The following PRH1 variants were observed in gnomAD, a reference collection of about 807,000 sequenced individuals.
PRH1 encodes the protein proline rich protein HaeIII subfamily 1, also known as salivary acidic proline-rich phosphoprotein 1/2.
Under a neutral mutation model 7.9 loss-of-function variants are expected in PRH1, and 7 were observed. That is an observed-to-expected ratio of 0.89 (90% CI 0.50 to 1.67). The LOEUF is 1.67. Ranked by LOEUF, PRH1 falls within the 40% of genes most tolerant of loss-of-function variation. PRH1 has a pLI of 0.00. For missense variants in PRH1, 109 were observed against 223.6 expected, an observed-to-expected ratio of 0.49 and a Z score of 3.27; for synonymous variants, 45 against 80.8, an observed-to-expected ratio of 0.56 and a Z score of 2.38.
At chr12:11,119,502 T>G (rs1434274861), downstream of PRH1, among the ~76,000 whole-genome samples, 2 of 152,168 alleles carry the variant, frequency 1.3e-5, no homozygotes, top group African/African-American at 2.4e-5. Flanking sequence ...TATTACTCTT[T>G]GCATGCCTGT....
intron 2 of PRH1, chr12:10,938,439 A>G (rs767660225): frequency 6.2e-7 from 1 of 1,614,026 alleles, no homozygotes; most frequent in Non-Finnish European, 8.5e-7. Flanking sequence ...TTTTCCTCCA[A>G]CCTTTCAGAG....
At chr12:10,952,523 T>G (rs968899106) in intron 2 of PRH1, among the ~76,000 whole-genome samples, 9 of 152,180 alleles carry the variant, frequency 5.9e-5, no homozygotes, top group African/African-American at 9.7e-5. Context: ...CATTTCAAAG[T>G]TTACTGCAAG....
intron 2 of PRH1, among the ~76,000 whole-genome samples, chr12:10,926,960 C>A (rs1219115005): frequency 6.6e-6 from 1 of 152,214 alleles, no homozygotes; most frequent in Non-Finnish European, 1.5e-5. Flanking sequence ...GCTCCTGCAG[C>A]AGTCCTACTT....
intron 1 of PRH1, among the ~76,000 whole-genome samples, chr12:11,110,892 T>C (rs975288913): frequency 1.3e-5 from 2 of 152,200 alleles, no homozygotes; most frequent in African/African-American, 2.4e-5. Context: ...ATTGTTGTGC[T>C]GTATTCAGGA....
intron 1 of PRH1, among the ~76,000 whole-genome samples, chr12:11,059,258 C>T (rs764769541): frequency 2.0e-5 from 3 of 152,178 alleles, no homozygotes; most frequent in Non-Finnish European, 2.9e-5. Context: ...ATCTGATGAC[C>T]GTCATGCTGT....
At chr12:11,000,788 C>G (rs1197719771) in intron 1 of PRH1, among the ~76,000 whole-genome samples, 1 of 152,048 alleles carries the variant, frequency 6.6e-6, no homozygotes, top group Non-Finnish European at 1.5e-5. Flanking sequence ...TAGTTGTCTT[C>G]CAATTCACTA....
In PRH1 at chr12:10,960,270, C is replaced by G. The variant is rs919416764; in HGVS notation, c.-59+13385G>C. ...TCAGGACTGAGCCAATTCACAGAAG[C>G]AGAGATAAACGACTGAAAGGAAGCT... On this transcript the variant is annotated intron_variant, in intron 2 of 3. Transcript: ENST00000539853. Among the ~76,000 whole-genome samples, 20 of 152,206 alleles carry G rather than the reference C, an allele frequency of 1.3e-4. 1 individual carries two copies.
chr12:11,064,919 G>A (rs1466639511), intron 1 of PRH1, among the ~76,000 whole-genome samples: 2 of 151,924 alleles, frequency 1.3e-5, no homozygotes, highest in Non-Finnish European at 2.9e-5. Flanking sequence ...CCAGGCATAA[G>A]GAAGCTACTC....
At chr12:10,940,706 C>T (rs1372103251) in intron 2 of PRH1, among the ~76,000 whole-genome samples, 1 of 152,144 alleles carries the variant, frequency 6.6e-6, no homozygotes, top group East Asian at 1.9e-4. Context: ...CAGCATGATA[C>T]AGTCATTCTT....
rs555043475 is a variant in PRH1, at chr12:11,029,777, C to T, written c.-126+17243G>A. Among the ~76,000 whole-genome samples, 12 of 151,828 alleles carry T rather than the reference C, an allele frequency of 7.9e-5. No individual in the cohort carries two copies. The South Asian group carries it at 2.5e-3, about 32-fold the overall frequency. ...TTATGGTAGACATACATTAAATTTACTCTGCATATGCTTCTCACTCAAATT... is the reference window on the plus strand; with the variant it reads ...TTATGGTAGACATACATTAAATTTATTCTGCATATGCTTCTCACTCAAATT... On this transcript the variant is annotated intron_variant, in intron 1 of 3. Coordinates refer to the PRH1 transcript ENST00000539853.
intron 2 of PRH1, among the ~76,000 whole-genome samples, chr12:10,969,662 C>T (rs1050335328): frequency 2.9e-4 from 44 of 151,982 alleles, no homozygotes; most frequent in African/African-American, 1.0e-3. Context: ...TTTGCATTTT[C>T]ATATGAACAT....
chr12:11,027,697 C>G (rs935207174), intron 1 of PRH1, among the ~76,000 whole-genome samples: 2 of 152,182 alleles, frequency 1.3e-5, no homozygotes, highest in Admixed American at 1.3e-4. Flanking sequence ...GCTCTGGCCA[C>G]TGAGCCAGAT....
At position 11,092,322 on chromosome 12, in the gene PRH1, G is replaced by C. The variant is rs112869592; in HGVS notation, n.124-45134C>G. On this transcript the variant is annotated intron_variant and non_coding_transcript_variant, in intron 1 of 4. Transcript: ENST00000541977. ...GTTCGTGGTCTCGCTGACTTCAAAA[G>C]GGAGCCACTGACCTTCACGGTGAGT... is the stretch of plus-strand genomic sequence containing the variant. 7.2e-3 allele frequency: 3,021 copies of C among 422,348 alleles called. 617 individuals carry two copies. The highest frequency in any genetic ancestry group is 0.067 in the African/African-American group (2,647 of 39,362). The allele number at this position is 422,348 out of a possible 1,614,324, so 26.2% of individuals were successfully genotyped here.
intron 1 of PRH1, among the ~76,000 whole-genome samples, chr12:11,160,223 G>T (rs1481748239): frequency 6.6e-6 from 1 of 152,088 alleles, no homozygotes; most frequent in East Asian, 1.9e-4. Context: ...TACATACCAA[G>T]CATTTTTGTT....
chr12:11,103,712 T>C (rs1565656884), intron 1 of PRH1, among the ~76,000 whole-genome samples: 1 of 151,372 alleles, frequency 6.6e-6, no homozygotes, highest in African/African-American at 2.4e-5. Context: ...AAATAAAATA[T>C]AAAAAAAATG....
intron 1 of PRH1, among the ~76,000 whole-genome samples, chr12:10,978,929 A>G (rs1455332842): frequency 6.6e-6 from 1 of 151,652 alleles, no homozygotes; most frequent in African/African-American, 2.4e-5. Context: ...ACAAACAAAC[A>G]AAAACAGACT....
chr12:11,084,897 C>G lies in PRH1; in HGVS notation n.124-37709G>C, dbSNP rs1180151334. Among the ~76,000 whole-genome samples the G allele has an allele frequency of 4.4e-5, 5 of 113,328 alleles. 2 individuals are homozygous for G. Among genetic ancestry groups the G allele is most frequent in the Non-Finnish European group, 1.0e-4 (5 of 48,392 alleles). 74.3% of individuals were successfully genotyped at this position (113,328 alleles called of 152,430 possible). On this transcript the variant is annotated intron_variant and non_coding_transcript_variant, in intron 1 of 4. Transcript: ENST00000541977. ...GCATGATCTTGGCTCACTGCAAGCT[C>G]TGCCTCCCAGAATCACGCCATTCTC...
chr12:11,071,566 T>A (rs1363217230), intron 1 of PRH1, among the ~76,000 whole-genome samples: 2 of 152,176 alleles, frequency 1.3e-5, no homozygotes, highest in Admixed American at 6.5e-5. Context: ...CTTTCATCAC[T>A]CACAGGCAGG....
At chr12:11,149,103 G>T (rs1395064595) in intron 1 of PRH1, among the ~76,000 whole-genome samples, 2 of 151,712 alleles carry the variant, frequency 1.3e-5, no homozygotes, top group African/African-American at 4.8e-5. Flanking sequence ...TCTGATGGTA[G>T]TTTGTATTTC....
Sources: gnomAD v4.1 joint callset for allele counts (sites outside exome capture counted in the v4.1 genomes callset) on GRCh38, gnomAD v4.1.1 for gene constraint, MANE v1.5 for transcripts, NCBI Gene and HGNC (gene_info 2026-07-23, HGNC 2026-07-21) for gene names.